The following MALRD1 variants were observed in gnomAD, a reference collection of about 807,000 sequenced individuals.
MALRD1 encodes MAM and LDL receptor class A domain containing 1, also known as MAM and LDL-receptor class A domain-containing protein 1.
MALRD1 carries 247 observed loss-of-function variants against 242.1 expected under a neutral mutation model. The ratio of observed to expected loss-of-function variants is 1.02; its 90% CI spans 0.92 to 1.13. The LOEUF is 1.13. MALRD1 is among the 50% of genes most tolerant of loss of function. MALRD1 has a pLI of 0.00. For missense variants in MALRD1, 2,989 were observed against 2,533.1 expected (o/e 1.18, Z -3.86); for synonymous variants, 995 against 866.6 (o/e 1.15, Z -2.60).
At chr10:19,057,995 AT>A (rs1218486670) in intron 1 of MALRD1, among the ~76,000 whole-genome samples, 1 of 152,228 alleles carries the variant, frequency 6.6e-6, no homozygotes, top group Non-Finnish European at 1.5e-5. Context: ...GGGAAAAAAA[AT>A]AGCTGATAGT....
In MALRD1 at chr10:19,136,676, G is replaced by A. The variant is rs1833350763; in HGVS notation, c.1306G>A (p.Ala436Thr). ...GACCCAATCCAGAAAGCTTTGCTCT[G>A]CAGACGAATTCCCTTGCACTAGTGG... Reference protein sequence around the residue: ...GQTQSRKLCSADEFPCTSGQC... With the variant: ...GQTQSRKLCSTDEFPCTSGQC... The change falls in exon 10 of 40, where the codon GCA (alanine) becomes ACA (threonine). Residue 436 changes from alanine (A) to threonine (T), a missense_variant. By Grantham distance (58) the Ala-to-Thr change is moderately conservative. Coordinates refer to ENST00000454679, the MANE Select transcript of MALRD1 (RefSeq NM_001142308.3). 1 of 1,231,706 alleles carries A rather than the reference G, an allele frequency of 8.1e-7. No homozygotes were observed. Among genetic ancestry groups the A allele is most frequent in the Non-Finnish European group, 1.0e-6 (1 of 987,996 alleles). 76.3% of individuals were successfully genotyped at this position (1,231,706 alleles called of 1,614,324 possible).
At chr10:19,185,323 TTC>T (rs1431016014) in intron 14 of MALRD1, among the ~76,000 whole-genome samples, 4 of 152,196 alleles carry the variant, frequency 2.6e-5, no homozygotes, top group African/African-American at 9.6e-5. Flanking sequence ...TATAATTTAT[TTC>T]TGTCTAAAAC....
intron 31 of MALRD1, among the ~76,000 whole-genome samples, chr10:19,514,155 A>ATAGTGC (rs1293901653): frequency 2.2e-4 from 33 of 152,356 alleles, no homozygotes; most frequent in African/African-American, 6.3e-4. Flanking sequence ...AGATCTTATT[A>ATAGTGC]CAGTTTATTA....
intron 32 of MALRD1, among the ~76,000 whole-genome samples, chr10:19,543,586 T>C (rs1835080086): frequency 6.6e-6 from 1 of 152,036 alleles, no homozygotes; most frequent in Non-Finnish European, 1.5e-5. Flanking sequence ...CTCCGCTTTT[T>C]GAGTTATGTA....
At chr10:19,561,168 T>C (rs1835946719) in intron 32 of MALRD1, among the ~76,000 whole-genome samples, 1 of 152,172 alleles carries the variant, frequency 6.6e-6, no homozygotes, top group African/African-American at 2.4e-5. Flanking sequence ...CTAGTTTAAT[T>C]CCATTGTGTT....
chr10:19,092,929 TC>T (rs1444442766), intron 4 of MALRD1, among the ~76,000 whole-genome samples: 1 of 6,552 alleles, frequency 1.5e-4, no homozygotes, highest in Non-Finnish European at 2.6e-4. Context: ...CCCACTCTCT[TC>T]TGGCTTGTAG....
rs181705308 is a variant in MALRD1, at chr10:19,509,397, A to G, written c.5320+10751A>G. ...TGAAATTTGTCTTTTATACTCCTAA[A>G]TTTGGTTTTGGTTTATTTCTGTACT... On this transcript the variant is annotated intron_variant, in intron 31 of 39. Transcript: ENST00000454679. 1.3e-3 allele frequency among the ~76,000 whole-genome samples: 202 copies of G among 152,210 alleles called. 1 individual carries two copies. Among genetic ancestry groups the G allele is most frequent in the Admixed American group, 5.5e-3 (84 of 15,272 alleles).
At position 19,205,036 on chromosome 10, in the gene MALRD1, C is replaced by T. The variant is rs1836723941; in HGVS notation, c.2349C>T (p.Arg783=). ...TGGAGGCAACCATTCAGCTAGGGCG[C>T]CTTTCGCAGCCCTTCCATTTGTCAC... ...QWLEATIQLG[R]LSQPFHLSLD... The change falls in exon 17 of 40, where the codon CGC becomes CGT. Residue 783 remains arginine (R), a synonymous_variant. Transcript: ENST00000454679. The T allele has an allele frequency of 7.1e-6, 11 of 1,550,678 alleles. No individual in the cohort carries two copies. Among genetic ancestry groups the T allele is most frequent in the African/African-American group, 2.7e-5 (2 of 73,024 alleles).
At chr10:19,231,421 A>G (rs1838062094) in intron 18 of MALRD1, among the ~76,000 whole-genome samples, 2 of 152,184 alleles carry the variant, frequency 1.3e-5, no homozygotes, top group Admixed American at 1.3e-4. Context: ...GGTTCTGGAC[A>G]TAACCCTCAT....
Position 19,450,316 on chromosome 10 carries a change from G to A in MALRD1, c.4855G>A (p.Gly1619Arg). ...SIQILIKTEK[G>R]LSKVWQESKQ... Reference sequence around the variant, plus strand: ...ACTTCTTTACTTTCAGACAGAGAAAGGACTATCAAAAGTATGGCAAGAAAG... The same window carrying A: ...ACTTCTTTACTTTCAGACAGAGAAAAGACTATCAAAAGTATGGCAAGAAAG... The change falls in exon 29 of 40, where the codon GGA becomes AGA. Residue 1619 changes from glycine to arginine, a missense_variant. Physicochemically the swap from Gly to Arg is moderately radical, Grantham distance 125 (BLOSUM62 -2). Coordinates refer to ENST00000454679, the MANE Select transcript of MALRD1 (RefSeq NM_001142308.3). The A allele has an allele frequency of 1.3e-6, 2 of 1,547,982 alleles. No individual in the cohort carries two copies. Among genetic ancestry groups the A allele is most frequent in the Non-Finnish European group, 1.7e-6 (2 of 1,146,542 alleles).
In MALRD1 at chr10:19,174,389, C is replaced by T. The variant is rs543624549; in HGVS notation, c.1831-819C>T. Among the ~76,000 whole-genome samples the T allele has an allele frequency of 5.3e-5, 8 of 152,230 alleles. No homozygotes were observed. The East Asian group carries it at 1.5e-3, about 29-fold the overall frequency. On this transcript the variant is annotated intron_variant, in intron 13 of 39. Coordinates refer to ENST00000454679, the MANE Select transcript of MALRD1 (RefSeq NM_001142308.3). Reference sequence around the variant, plus strand: ...GTGTTGTATTTTGAGATAGCATGTTCTGAGCCCTGGCACAAGTAAATTTAA... The same window carrying T: ...GTGTTGTATTTTGAGATAGCATGTTTTGAGCCCTGGCACAAGTAAATTTAA...
intron 24 of MALRD1, among the ~76,000 whole-genome samples, chr10:19,340,657 T>TA (rs1049906897): frequency 2.6e-5 from 4 of 152,210 alleles, no homozygotes; most frequent in South Asian, 2.1e-4. Context: ...GAACATTTAA[T>TA]AAAAAAATCA....
At chr10:19,261,264 A>C (rs1005632946) in intron 19 of MALRD1, among the ~76,000 whole-genome samples, 4 of 152,204 alleles carry the variant, frequency 2.6e-5, no homozygotes, top group Non-Finnish European at 4.4e-5. Context: ...TTCTGTTTCG[A>C]GTTTTGGAAG....
intron 38 of MALRD1, among the ~76,000 whole-genome samples, chr10:19,723,022 C>T (rs374309802): frequency 3.3e-4 from 50 of 152,154 alleles, no homozygotes; most frequent in East Asian, 1.7e-3. Flanking sequence ...TGATAAGTAA[C>T]GTTTAAAAAT....
Position 19,526,369 on chromosome 10 carries a change from C to CATATATATATAT in MALRD1, c.5321-4820_5321-4809dup, listed in dbSNP as rs776392530. 4.9e-5 allele frequency among the ~76,000 whole-genome samples: 7 copies of CATATATATATAT among 143,940 alleles called. No homozygotes were observed. In the East Asian group the frequency reaches 1.0e-3, roughly 21 times the overall value. 94.4% of individuals were successfully genotyped at this position (143,940 alleles called of 152,430 possible). A position where few individuals can be genotyped will look rare whatever the true frequency, so the allele number is the denominator to read the frequency against. ...TTTATGATTCTCCAAAAAAAAAATA[C>CATATATATATAT]ATATATATATATATATGTCATCACA... is the stretch of plus-strand genomic sequence containing the variant. On this transcript the variant is annotated intron_variant, in intron 31 of 39. Transcript: ENST00000454679.
chr10:19,139,591 C>G (rs979523315), intron 10 of MALRD1, among the ~76,000 whole-genome samples: 1 of 152,140 alleles, frequency 6.6e-6, no homozygotes, highest in Non-Finnish European at 1.5e-5. Context: ...GTGCTTTTCC[C>G]CAAAGGCAGA....
intron 36 of MALRD1, among the ~76,000 whole-genome samples, chr10:19,662,670 G>C (rs1451989390): frequency 2.6e-5 from 4 of 152,100 alleles, no homozygotes; most frequent in Non-Finnish European, 5.9e-5. Flanking sequence ...ATTTTCAACT[G>C]CTCATGTTTT....
chr10:19,387,886 A>T, intron 27 of MALRD1, 113 bp downstream of exon 27: 3 of 1,312,356 alleles, frequency 2.3e-6, no homozygotes, highest in Non-Finnish European at 3.1e-6. Context: ...ATGGTATTGC[A>T]AGGCGATCAA....
At position 19,209,369 on chromosome 10, in the gene MALRD1, C is replaced by G. The variant is rs942675825; in HGVS notation, c.2680C>G (p.Leu894Val). Residue 894 changes from leucine (L) to valine (V), a missense_variant, in exon 18 of 40, where the codon CTT (leucine) becomes GTT (valine). By Grantham distance (32) the Leu-to-Val change is conservative. Transcript: ENST00000454679. ...WTRSQGPTPT[L>V]NTGPMKDNTL... is the part of the protein sequence containing the mutation. ...CAGGAGCCAGGGTCCAACTCCAACA[C>G]TTAACACAGGGCCAATGAAAGATAA... 6.4e-7 allele frequency: 1 copy of G among 1,550,932 alleles called. No individual in the cohort carries two copies. The highest frequency in any genetic ancestry group is 8.7e-7 in the Non-Finnish European group (1 of 1,147,078).
Sources: gnomAD v4.1 joint callset for allele counts (sites outside exome capture counted in the v4.1 genomes callset) on GRCh38, gnomAD v4.1.1 for gene constraint, MANE v1.5 for transcripts, NCBI Gene and HGNC (gene_info 2026-07-23, HGNC 2026-07-21) for gene names.